Variants in NME8 observed in about 807,000 individuals in gnomAD.
NME8 encodes NME/NM23 family member 8.
In NME8, 72 loss-of-function variants were observed where a neutral mutation model predicts 82.3. The observed-to-expected ratio is 0.87, with a 90% CI of 0.72 to 1.06. The LOEUF is 1.06. Among genes scored for constraint, NME8 ranks in the 50% least tolerant of loss-of-function variants. The pLI, the probability that NME8 is intolerant of heterozygous loss-of-function variation, is 0.00. For synonymous variants in NME8, 267 were observed against 228.5 expected (o/e 1.17, Z -1.52); for missense variants, 712 against 685.4 (o/e 1.04, Z -0.43).
chr7:37,881,910 A>C (rs1268566137), intron 12 of NME8, among the ~76,000 whole-genome samples: 1 of 152,196 alleles, frequency 6.6e-6, no homozygotes. Flanking sequence ...ATTTCAAGGA[A>C]TGGGTCAATT....
intron 6 of NME8, among the ~76,000 whole-genome samples, chr7:37,861,037 ACCT>A: frequency 6.6e-6 from 1 of 151,818 alleles, no homozygotes; most frequent in South Asian, 2.1e-4. Flanking sequence ...CTCCACCTCC[ACCT>A]CTAGCATAGC....
At chr7:37,886,079 C>T (rs1182248875) in intron 14 of NME8, among the ~76,000 whole-genome samples, 1 of 152,172 alleles carries the variant, frequency 6.6e-6, no homozygotes, top group Admixed American at 6.5e-5. Context: ...GTGGGATACA[C>T]TTAAATCTGA....
intron 5 of NME8, among the ~76,000 whole-genome samples, chr7:37,855,535 G>A (rs1391205705): frequency 6.6e-6 from 1 of 152,014 alleles, no homozygotes; most frequent in Non-Finnish European, 1.5e-5. Context: ...CCAAGTTAGG[G>A]CACTTTCATC....
chr7:37,871,574 C>G (rs1542264), intron 11 of NME8, among the ~76,000 whole-genome samples: 44,070 of 151,910 alleles, frequency 0.29, 6,731 homozygotes, highest in South Asian at 0.34. Flanking sequence ...ATTCATTCAT[C>G]TAGTATTTAT....
chr7:37,877,514 TC>T (rs1238077887), intron 12 of NME8, among the ~76,000 whole-genome samples: 1 of 152,222 alleles, frequency 6.6e-6, no homozygotes, highest in Non-Finnish European at 1.5e-5. Context: ...CACTATTCAT[TC>T]TTTTTTTATA....
chr7:37,896,698 A>C (rs2131977408), intron 16 of NME8, 172 bp from the exon 17 acceptor site: 1 of 635,752 alleles, frequency 1.6e-6, no homozygotes, highest in East Asian at 2.7e-5. Flanking sequence ...CTAGCATATA[A>C]ACCTATTAGA....
At chr7:37,879,069 A>G (rs1249358521) in intron 12 of NME8, among the ~76,000 whole-genome samples, 1 of 151,962 alleles carries the variant, frequency 6.6e-6, no homozygotes, top group Non-Finnish European at 1.5e-5. Flanking sequence ...TCCTTTTGTT[A>G]TTTGATATGT....
At position 37,850,671 on chromosome 7, in the gene NME8, T is replaced by C. The variant is rs772405642; in HGVS notation, c.134T>C (p.Met45Thr). ...GCCTGGTGTGGACCTTGCAGAGCAA[T>C]GCAACCTTTATTCAGAAAATTGAAA... Reference protein sequence around the residue: ...YQAWCGPCRAMQPLFRKLKNE... With the variant: ...YQAWCGPCRATQPLFRKLKNE... Residue 45 changes from methionine to threonine, a missense_variant, in exon 5 of 18, where the codon ATG (methionine) becomes ACG (threonine). Met to Thr is a moderately conservative substitution (Grantham distance 81). Coordinates refer to ENST00000199447, the MANE Select transcript of NME8 (RefSeq NM_016616.5). The C allele has an allele frequency of 4.3e-6, 7 of 1,613,612 alleles. No homozygotes were observed. In the South Asian group the frequency reaches 5.5e-5, roughly 13 times the overall value.
chr7:37,879,958 A>G (rs1198155262), intron 12 of NME8, among the ~76,000 whole-genome samples: 1 of 152,126 alleles, frequency 6.6e-6, no homozygotes, highest in Non-Finnish European at 1.5e-5. Flanking sequence ...TATTATGCAG[A>G]GCTTCTTTTC....
At chr7:37,854,896 A>G (rs6976216) in intron 5 of NME8, among the ~76,000 whole-genome samples, 91,357 of 151,974 alleles carry the variant, frequency 0.6, 28,498 homozygotes, top group Non-Finnish European at 0.7. Context: ...CAACATCTGG[A>G]CACAATTTTC....
intron 10 of NME8, 63 bp from the exon 11 acceptor site, chr7:37,867,639 C>T: frequency 1.6e-6 from 2 of 1,272,188 alleles, no homozygotes; most frequent in Admixed American, 3.4e-5. Flanking sequence ...TGGGTAGTGA[C>T]CACCATTTTA....
chr7:37,849,219 T>C (rs929741327), intron 2 of NME8, 163 bp downstream of exon 2: 4 of 152,434 alleles, frequency 2.6e-5, no homozygotes, highest in Admixed American at 2.6e-4. Context: ...GTTTATGTCG[T>C]GCCCCAGAAA....
chr7:37,859,198 A>C (rs1468939869), intron 6 of NME8, among the ~76,000 whole-genome samples: 1 of 152,186 alleles, frequency 6.6e-6, no homozygotes, highest in Admixed American at 6.5e-5. Context: ...CAGTCTGACC[A>C]GTAGACCCAG....
intron 12 of NME8, among the ~76,000 whole-genome samples, chr7:37,883,563 T>G (rs1784996329): frequency 6.6e-6 from 1 of 152,230 alleles, no homozygotes; most frequent in African/African-American, 2.4e-5. Flanking sequence ...ATATTTGTGC[T>G]TTTGACTTAT....
intron 10 of NME8, 71 bp from the exon 11 acceptor site, chr7:37,867,631 G>A: frequency 9.0e-7 from 1 of 1,116,160 alleles, no homozygotes; most frequent in Non-Finnish European, 1.4e-6. Context: ...ATTTGACTTG[G>A]GTAGTGACCA....
intron 15 of NME8, among the ~76,000 whole-genome samples, chr7:37,890,601 A>C (rs1024694742): frequency 6.6e-6 from 1 of 151,858 alleles, no homozygotes; most frequent in African/African-American, 2.4e-5. Flanking sequence ...ACCTCTAGTG[A>C]GCACCATTCT....
chr7:37,861,289 A>G (rs920209258), intron 6 of NME8, among the ~76,000 whole-genome samples: 5 of 152,220 alleles, frequency 3.3e-5, no homozygotes, highest in Middle Eastern at 3.4e-3. Context: ...TGGCCTTGTC[A>G]CTTGCCATCT....
Position 37,850,634 on chromosome 7 carries a change from G to T in NME8, c.97G>T (p.Asp33Tyr), listed in dbSNP as rs1314343023. 4.4e-6 allele frequency: 7 copies of T among 1,605,306 alleles called. No homozygotes were observed. The highest frequency in any genetic ancestry group is 6.0e-6 in the Non-Finnish European group (7 of 1,172,086). Residue 33 changes from aspartate (D) to tyrosine (Y), a missense_variant, in exon 5 of 18, where the codon GAT becomes TAT. Transcript: ENST00000199447. Reference protein sequence around the residue: ...MLQNKGLTVIDVYQAWCGPCR... With the variant: ...MLQNKGLTVIYVYQAWCGPCR... ...TAAATATCATCATCTTCTAGTGATT[G>T]ATGTTTACCAAGCCTGGTGTGGACC...
rs1322440406 is a variant in NME8, at chr7:37,850,287, A to T, written c.21A>T (p.Glu7Asp). Reference protein sequence around the residue: MASKKREVQLQTVINNQ... With the variant: MASKKRDVQLQTVINNQ... ...GATAAATGGCAAGCAAAAAACGAGA[A>T]GTCCAGTTACAGGTGGGTCTGACAT... is the stretch of plus-strand genomic sequence containing the variant. Residue 7 changes from glutamate to aspartate, a missense_variant, in exon 3 of 18, where the codon GAA (glutamate) becomes GAT (aspartate). By Grantham distance (45) the Glu-to-Asp change is conservative (BLOSUM62 2). Transcript: ENST00000199447. 1 of 1,614,088 alleles carries T rather than the reference A, an allele frequency of 6.2e-7. No homozygotes were observed. Among genetic ancestry groups the T allele is most frequent in the African/African-American group, 1.3e-5 (1 of 74,952 alleles).
Sources: allele counts gnomAD v4.1 joint callset (sites outside exome capture counted in the v4.1 genomes callset), GRCh38; gene constraint gnomAD v4.1.1; transcripts MANE v1.5; gene names NCBI Gene and HGNC (gene_info 2026-07-23, HGNC 2026-07-21).